The following CUX1 variants were observed in gnomAD, a reference collection of about 807,000 sequenced individuals.
The protein encoded by CUX1 is cut like homeobox 1, also known as protein CASP.
In CUX1, 31 loss-of-function variants were observed where a neutral mutation model predicts 158.8. The ratio of observed to expected loss-of-function variants is 0.20; its 90% CI spans 0.15 to 0.26. The LOEUF is 0.26. CUX1 is among the 10% of genes least tolerant of loss of function. The pLI is 1.00. For synonymous variants in CUX1, 879 were observed against 862.1 expected (o/e 1.02, Z -0.34); for missense variants, 1,589 against 2,014.6 (o/e 0.79, Z 4.04).
chr7:101,946,521 G>A (rs1808388622), intron 2 of CUX1, among the ~76,000 whole-genome samples: 1 of 138,032 alleles, frequency 7.2e-6, no homozygotes, highest in East Asian at 2.2e-4. Context: ...TCAAGTCTGT[G>A]TGACAAGAGC....
intron 8 of CUX1, among the ~76,000 whole-genome samples, chr7:102,147,442 C>T (rs1430771547): frequency 2.0e-5 from 3 of 152,194 alleles, no homozygotes; most frequent in Non-Finnish European, 2.9e-5. Context: ...CACTCCAGGA[C>T]CTCACGGTCC....
downstream of CUX1, among the ~76,000 whole-genome samples, chr7:102,260,570 C>CTTTTTTTTTTTTTTT (rs55642237): frequency 2.0e-5 from 1 of 51,058 alleles, no homozygotes; most frequent in Non-Finnish European, 3.2e-5. Context: ...CCACACCTGG[C>CTTTTTTTTTTTTTTT]TTTTTTTTTT....
rs200090006 is a variant in CUX1 at position 101,837,828 on chromosome 7, CAAAAAAAAAAA to C, written c.30+20179_30+20189del. ...CCTGGGTGACAGAACGAGACCCTGTCAAAAAAAAAAAAAAAAAAAAAAAAAAAAAAGGATAC... is the reference window on the plus strand; with the variant it reads ...CCTGGGTGACAGAACGAGACCCTGTCAAAAAAAAAAAAAAAAAAAGGATAC... On this transcript the variant is annotated intron_variant, in intron 1 of 23. Transcript: ENST00000292535. Among the ~76,000 whole-genome samples the C allele has an allele frequency of 2.3e-4, 10 of 44,376 alleles. No homozygotes were observed. In the East Asian group the frequency reaches 4.1e-3, roughly 18 times the overall value. The allele number at this position is 44,376 out of a possible 152,430, so 29.1% of individuals were successfully genotyped here. A position where few individuals can be genotyped will look rare whatever the true frequency, so the allele number is the denominator to read the frequency against.
At chr7:101,942,437 T>G (rs1194397368) in intron 2 of CUX1, among the ~76,000 whole-genome samples, 1 of 152,204 alleles carries the variant, frequency 6.6e-6, no homozygotes, top group African/African-American at 2.4e-5. Flanking sequence ...CAGTGTCTAC[T>G]CCAGACCAAA....
chr7:102,051,152 C>T (rs1021838480), intron 3 of CUX1, among the ~76,000 whole-genome samples: 11 of 152,134 alleles, frequency 7.2e-5, no homozygotes, highest in Non-Finnish European at 1.2e-4. Context: ...CTCCAAGGCA[C>T]GGCAGGTCCC....
At chr7:102,084,931 C>T (rs937671745) in intron 4 of CUX1, among the ~76,000 whole-genome samples, 2 of 128,378 alleles carry the variant, frequency 1.6e-5, no homozygotes, top group Non-Finnish European at 3.1e-5. Flanking sequence ...AGAAAGCAGA[C>T]ATCCTTGCCT....
intron 7 of CUX1, among the ~76,000 whole-genome samples, chr7:102,114,305 C>T (rs1164225359): frequency 1.3e-5 from 2 of 152,132 alleles, no homozygotes. Flanking sequence ...AAATGAGTCT[C>T]GCTCTGTCAC....
intron 3 of CUX1, among the ~76,000 whole-genome samples, chr7:102,064,503 GAGGGAGCTGTGTTACC>G (rs1825315464): frequency 6.6e-6 from 1 of 151,878 alleles, no homozygotes; most frequent in Non-Finnish European, 1.5e-5. Flanking sequence ...CCCCTTCTCA[GAGGGAGCTGTGTTACC>G]AAGCCTTGGC....
intron 20 of CUX1, among the ~76,000 whole-genome samples, chr7:102,212,557 G>C (rs1442068546): frequency 6.6e-6 from 1 of 152,100 alleles, no homozygotes; most frequent in Non-Finnish European, 1.5e-5. Context: ...TTTCCAAGAA[G>C]TAAAATGCAC....
intron 14 of CUX1, among the ~76,000 whole-genome samples, chr7:102,272,726 T>A (rs190197810): frequency 3.3e-5 from 5 of 152,288 alleles, no homozygotes; most frequent in Admixed American, 2.0e-4. Context: ...TGCTTTGTTA[T>A]AAAGATGACC....
At chr7:101,870,136 T>C (rs922448134) in intron 1 of CUX1, among the ~76,000 whole-genome samples, 47 of 145,350 alleles carry the variant, frequency 3.2e-4, no homozygotes, top group African/African-American at 1.1e-3. Context: ...CAGGCCCTGA[T>C]GTTTAGTGTT....
chr7:102,233,237 G>A (rs1268262176), intron 21 of CUX1, among the ~76,000 whole-genome samples: 2 of 141,340 alleles, frequency 1.4e-5, no homozygotes, highest in African/African-American at 5.3e-5. Context: ...CCAGGCTGGA[G>A]TGCAGTGGTG....
intron 8 of CUX1, 50 bp from the exon 9 acceptor site, chr7:102,158,510 T>G: frequency 2.5e-4 from 397 of 1,584,884 alleles, no homozygotes; most frequent in Non-Finnish European, 3.1e-4. Context: ...AGTCACCCCC[T>G]GAGCCGGTCT....
chr7:101,896,428 G>A (rs115942086), intron 1 of CUX1, among the ~76,000 whole-genome samples: 3,716 of 152,262 alleles, frequency 0.024, 139 homozygotes, highest in African/African-American at 0.081. Flanking sequence ...ACACAGGAAC[G>A]CCACAGTCAG....
chr7:102,166,154 G>C (rs1479152548), intron 9 of CUX1, among the ~76,000 whole-genome samples: 1 of 152,198 alleles, frequency 6.6e-6, no homozygotes, highest in Non-Finnish European at 1.5e-5. Flanking sequence ...GCTTGTGTGA[G>C]CCCCGTGGCC....
At chr7:102,137,957 A>G (rs1416019609) in intron 8 of CUX1, among the ~76,000 whole-genome samples, 6 of 152,156 alleles carry the variant, frequency 3.9e-5, no homozygotes, top group African/African-American at 1.4e-4. Context: ...AGGCCAAGGC[A>G]GAAGGATCAC....
At chr7:101,919,246 A>G (rs1055084151) in intron 2 of CUX1, among the ~76,000 whole-genome samples, 1 of 151,152 alleles carries the variant, frequency 6.6e-6, no homozygotes, top group African/African-American at 2.4e-5. Context: ...GTGTGTAGAT[A>G]GCACATGTGT....
chr7:102,268,009 C>G (rs1484171911), intron 14 of CUX1, among the ~76,000 whole-genome samples: 4 of 152,138 alleles, frequency 2.6e-5, no homozygotes, highest in African/African-American at 7.2e-5. Context: ...TTCCCTCCTC[C>G]CCTCTGTGAG....
At chr7:102,055,656 G>C (rs1271777217) in intron 3 of CUX1, among the ~76,000 whole-genome samples, 5 of 152,074 alleles carry the variant, frequency 3.3e-5, no homozygotes, top group African/African-American at 2.4e-5. Context: ...CCTATTTCTT[G>C]AGACACAACA....
Sources: gnomAD v4.1 joint callset for allele counts (sites outside exome capture counted in the v4.1 genomes callset) on GRCh38, gnomAD v4.1.1 for gene constraint, MANE v1.5 for transcripts, NCBI Gene and HGNC (gene_info 2026-07-23, HGNC 2026-07-21) for gene names.